Variants in UCHL5 observed in about 807,000 individuals in gnomAD.
The protein encoded by UCHL5 is ubiquitin C-terminal hydrolase L5, also known as ubiquitin carboxyl-terminal hydrolase isozyme L5.
Under a neutral mutation model 53.8 loss-of-function variants are expected in UCHL5, and 34 were observed. The ratio of observed to expected loss-of-function variants is 0.63; its 90% CI spans 0.48 to 0.84. UCHL5 has a LOEUF of 0.84. Ranked by LOEUF, UCHL5 falls within the 40% of genes least tolerant of loss-of-function variation. UCHL5 has a pLI of 0.00. For missense variants in UCHL5, 290 were observed against 385.6 expected (o/e 0.75, Z 2.08); for synonymous variants, 111 against 126.3 (o/e 0.88, Z 0.81).
At chr1:193,052,069 C>A (rs1669227740) in intron 1 of UCHL5, among the ~76,000 whole-genome samples, 1 of 152,092 alleles carries the variant, frequency 6.6e-6, no homozygotes, top group African/African-American at 2.4e-5. Flanking sequence ...CCTTCTCTCT[C>A]TCTCAATCTC....
At chr1:193,021,275 GA>G in intron 9 of UCHL5, 80 bp from the exon 10 acceptor site, 1 of 887,148 alleles carries the variant, frequency 1.1e-6, no homozygotes, top group Non-Finnish European at 1.8e-6. Flanking sequence ...ACTCAAAATA[GA>G]AATGGTATAT....
At chr1:193,020,245 A>T in intron 10 of UCHL5, 3 of 1,497,540 alleles carry the variant, frequency 2.0e-6, no homozygotes, top group Non-Finnish European at 2.7e-6. Flanking sequence ...AACATGAAAC[A>T]GCTTGGTTGA....
intron 3 of UCHL5, among the ~76,000 whole-genome samples, chr1:193,043,340 T>C (rs1406074270): frequency 6.6e-6 from 1 of 152,024 alleles, no homozygotes. Context: ...TTACTAGTCT[T>C]ACTCACTTTT....
chr1:193,025,522 C>A (rs1258806484), intron 7 of UCHL5, among the ~76,000 whole-genome samples: 1 of 152,182 alleles, frequency 6.6e-6, no homozygotes, highest in African/African-American at 2.4e-5. Flanking sequence ...AAAGCAATAG[C>A]AAGGCACTCC....
At chr1:193,042,493 C>G (rs1417918632) in intron 3 of UCHL5, among the ~76,000 whole-genome samples, 1 of 152,150 alleles carries the variant, frequency 6.6e-6, no homozygotes, top group Non-Finnish European at 1.5e-5. Flanking sequence ...AAAAGAAAAA[C>G]AGCCATCATC....
At chr1:193,056,176 CATA>C (rs1407473142) in intron 1 of UCHL5, among the ~76,000 whole-genome samples, 14 of 152,002 alleles carry the variant, frequency 9.2e-5, no homozygotes, top group South Asian at 4.1e-4. Context: ...CATAGTTGTT[CATA>C]ATATTATTTT....
chr1:193,059,799 G>A, upstream of UCHL5: 1 of 1,356,344 alleles, frequency 7.4e-7, no homozygotes, highest in Non-Finnish European at 9.8e-7. This position sits in a 1 kb window ranked among gnomAD's most constrained non-coding sequence, Gnocchi z 4.9. Flanking sequence ...CGGGAGGCCG[G>A]CTGGGAGCCT....
intron 3 of UCHL5, among the ~76,000 whole-genome samples, chr1:193,040,813 T>TA (rs976637694): frequency 1.3e-5 from 2 of 152,146 alleles, no homozygotes; most frequent in South Asian, 4.1e-4. Flanking sequence ...TATTCAGCCA[T>TA]AAAAAAGAAT....
intron 3 of UCHL5, among the ~76,000 whole-genome samples, chr1:193,044,691 A>T (rs1666815624): frequency 6.6e-6 from 1 of 152,104 alleles, no homozygotes; most frequent in South Asian, 2.1e-4. Context: ...ATTTCATTAA[A>T]TTTTTTCAAA....
At position 193,019,346 on chromosome 1, in the gene UCHL5, C is replaced by T. The variant is rs546380772; in HGVS notation, c.942+1751G>A. Among the ~76,000 whole-genome samples the T allele has an allele frequency of 1.1e-4, 17 of 151,640 alleles. 1 individual carries two copies. The South Asian group carries it at 3.5e-3, about 31-fold the overall frequency. On this transcript the variant is annotated intron_variant, in intron 10 of 10. Coordinates refer to ENST00000367454, the MANE Select transcript of UCHL5 (RefSeq NM_001199261.3). ...TCTCAGTTATGTATACATCCCTAGACCTTAACAGAGTGCCTGGAATATCCT... is the reference window on the plus strand; with the variant it reads ...TCTCAGTTATGTATACATCCCTAGATCTTAACAGAGTGCCTGGAATATCCT...
chr1:193,042,291 C>T (rs1345970247), intron 3 of UCHL5, among the ~76,000 whole-genome samples: 1 of 152,072 alleles, frequency 6.6e-6, no homozygotes, highest in Non-Finnish European at 1.5e-5. Context: ...GTACATTGAA[C>T]GATGGGTGGG....
At position 193,051,748 on chromosome 1, in the gene UCHL5, A is replaced by T; in HGVS notation, c.140+6T>A. 6.4e-7 allele frequency: 1 copy of T among 1,558,352 alleles called. No individual in the cohort carries two copies. The highest frequency in any genetic ancestry group is 8.8e-7 in the Non-Finnish European group (1 of 1,141,034). On this transcript the variant is annotated splice_donor_region_variant and intron_variant, in intron 2 of 10. Transcript: ENST00000367454. ...TACATATTAACACAACTAAAATTAT[A>T]CTTACTTTAATTTTTCAAAATTCTC...
At chr1:193,018,712 C>T in intron 10 of UCHL5, 1 of 1,381,618 alleles carries the variant, frequency 7.2e-7, no homozygotes. Context: ...ATTCAAAAAT[C>T]TCATCCTGTA....
chr1:193,059,066 C>T lies in UCHL5; in HGVS notation c.76+119G>A, dbSNP rs1671876128. ...ATCTACATTTCCCCCACCCGGACTC[C>T]AGGTTCCTGAAGTCACCTCTCCAGA... On this transcript the variant is annotated intron_variant, in intron 1 of 10. Transcript: ENST00000367454. The surrounding 1 kb of genome is among the most constrained non-coding windows in gnomAD (Gnocchi z 4.9). The T allele has an allele frequency of 9.5e-7, 1 of 1,049,026 alleles. No homozygotes were observed. The highest frequency in any genetic ancestry group is 1.6e-5 in the African/African-American group (1 of 61,618). 65.0% of individuals were successfully genotyped at this position (1,049,026 alleles called of 1,614,324 possible).
At position 193,016,391 on chromosome 1, in the gene UCHL5, T is replaced by C; in HGVS notation, c.947A>G (p.Lys316Arg). 3 of 1,606,490 alleles carry C rather than the reference T, an allele frequency of 1.9e-6. No homozygotes were observed. Among genetic ancestry groups the C allele is most frequent in the Non-Finnish European group, 2.5e-6 (3 of 1,177,464 alleles). The change falls in exon 11 of 11, where the codon AAA (lysine) becomes AGA (arginine). Residue 316 changes from lysine (K) to arginine (R), a missense_variant. By Grantham distance (26) the Lys-to-Arg change is conservative. Coordinates refer to ENST00000367454, the MANE Select transcript of UCHL5 (RefSeq NM_001199261.3). Reference sequence around the variant, plus strand: ...AGCTTTCTTTGCGTTCTGTTTTTCTTTTGCCTAAAAATTAAAAATAGTATG... The same window carrying C: ...AGCTTTCTTTGCGTTCTGTTTTTCTCTTGCCTAAAAATTAAAAATAGTATG... ...QQLIPLVEKA[K>R]EKQNAKKAQE...
intron 7 of UCHL5, among the ~76,000 whole-genome samples, chr1:193,024,950 A>G (rs1041651292): frequency 6.6e-6 from 1 of 152,148 alleles, no homozygotes; most frequent in African/African-American, 2.4e-5. Flanking sequence ...TACAACTAAA[A>G]ACCCTGGACA....
At chr1:193,029,134 T>A in intron 6 of UCHL5, 45 bp downstream of exon 6, 2 of 1,594,534 alleles carry the variant, frequency 1.3e-6, no homozygotes, top group Non-Finnish European at 1.7e-6. Context: ...CCCAACAGAT[T>A]TTCCCCTGTC....
intron 3 of UCHL5, among the ~76,000 whole-genome samples, chr1:193,035,597 A>T (rs1351832785): frequency 6.6e-6 from 1 of 152,150 alleles, no homozygotes; most frequent in African/African-American, 2.4e-5. Context: ...TGCTAAGGGC[A>T]CTTCTTCAAT....
intron 3 of UCHL5, among the ~76,000 whole-genome samples, chr1:193,040,329 T>A (rs947358669): frequency 2.6e-5 from 4 of 152,040 alleles, no homozygotes; most frequent in Admixed American, 2.6e-4. Context: ...GATTTAAAAA[T>A]GGACAGAAGA....
Sources: allele counts gnomAD v4.1 joint callset (sites outside exome capture counted in the v4.1 genomes callset), GRCh38; gene constraint gnomAD v4.1.1; non-coding constraint Gnocchi (gnomAD v3.1); transcripts MANE v1.5; gene names NCBI Gene and HGNC (gene_info 2026-07-23, HGNC 2026-07-21).